Variants in AUH observed in about 807,000 individuals in gnomAD.
The protein encoded by AUH is AU RNA binding methylglutaconyl-CoA hydratase.
Under a neutral mutation model 42.3 loss-of-function variants are expected in AUH, and 29 were observed. The ratio of observed to expected loss-of-function variants is 0.69; its 90% CI spans 0.51 to 0.93. The LOEUF is 0.93. Ranked by LOEUF, AUH falls within the 40% of genes least tolerant of loss-of-function variation. The probability of loss-of-function intolerance (pLI) is 0.00; values close to 1 mark genes in which losing one functional copy is unlikely to be tolerated. For synonymous variants in AUH, 174 were observed against 166.4 expected (o/e 1.05, Z -0.35); for missense variants, 452 against 438.1 (o/e 1.03, Z -0.28).
chr9:91,332,723 A>G (rs1278518275), intron 3 of AUH, among the ~76,000 whole-genome samples: 2 of 152,200 alleles, frequency 1.3e-5, no homozygotes, highest in African/African-American at 4.8e-5. Flanking sequence ...AGGTGGCTGA[A>G]TATACATATT....
intron 6 of AUH, among the ~76,000 whole-genome samples, chr9:91,227,868 T>C (rs1827610963): frequency 6.6e-6 from 1 of 151,750 alleles, no homozygotes; most frequent in African/African-American, 2.4e-5. Flanking sequence ...TTGATTTGCG[T>C]ATATTGAACC....
intron 6 of AUH, among the ~76,000 whole-genome samples, chr9:91,274,328 T>C (rs1024366817): frequency 1.8e-4 from 28 of 152,188 alleles, no homozygotes; most frequent in African/African-American, 6.5e-4. Context: ...AATGAAACAG[T>C]TCCTTCCCTA....
At chr9:91,226,489 C>T (rs1426492983) in intron 6 of AUH, among the ~76,000 whole-genome samples, 1 of 151,958 alleles carries the variant, frequency 6.6e-6, no homozygotes, top group African/African-American at 2.4e-5. Context: ...CATTTTCTCC[C>T]ATTCTGTAGG....
rs141865752 is a variant in AUH at position 91,347,542 on chromosome 9, C to G, written c.418+8341G>C. Among the ~76,000 whole-genome samples, 21 of 152,274 alleles carry G rather than the reference C, an allele frequency of 1.4e-4. No individual in the cohort carries two copies. The East Asian group carries it at 2.9e-3, about 21-fold the overall frequency. ...TGCTTTTTCTGACAAGCTGCCCCCCCATCCTGAAGCTATCTAGGGTCATCT... is the reference window on the plus strand; with the variant it reads ...TGCTTTTTCTGACAAGCTGCCCCCCGATCCTGAAGCTATCTAGGGTCATCT... On this transcript the variant is annotated intron_variant, in intron 3 of 9. Coordinates refer to ENST00000375731, the MANE Select transcript of AUH (RefSeq NM_001698.3).
chr9:91,330,602 G>C (rs1404595642), intron 3 of AUH, among the ~76,000 whole-genome samples: 1 of 152,166 alleles, frequency 6.6e-6, no homozygotes, highest in African/African-American at 2.4e-5. Flanking sequence ...AACAAAAAAT[G>C]CATGATGTGT....
At chr9:91,339,271 T>C (rs555835634) in intron 3 of AUH, among the ~76,000 whole-genome samples, 2 of 152,342 alleles carry the variant, frequency 1.3e-5, no homozygotes, top group African/African-American at 4.8e-5. Context: ...CGTATCACTT[T>C]TGCACCATCG....
At chr9:91,262,230 C>A in intron 6 of AUH, among the ~76,000 whole-genome samples, 1 of 152,126 alleles carries the variant, frequency 6.6e-6, no homozygotes, top group East Asian at 1.9e-4. Context: ...CATTACTCGC[C>A]AACCTTAAAT....
chr9:91,305,802 G>A (rs1435420722), intron 4 of AUH, among the ~76,000 whole-genome samples: 1 of 152,116 alleles, frequency 6.6e-6, no homozygotes, highest in Non-Finnish European at 1.5e-5. Context: ...TTACTTGCCT[G>A]GTACAGTCTG....
chr9:91,360,819 A>G (rs983018490), intron 1 of AUH, among the ~76,000 whole-genome samples: 1 of 152,216 alleles, frequency 6.6e-6, no homozygotes, highest in Non-Finnish European at 1.5e-5. Flanking sequence ...CAACAAATGC[A>G]TGTCAAAATT....
At chr9:91,227,321 A>T (rs1331794677) in intron 6 of AUH, among the ~76,000 whole-genome samples, 20 of 126,212 alleles carry the variant, frequency 1.6e-4, no homozygotes, top group Non-Finnish European at 2.6e-4. Context: ...GCAATTGTGA[A>T]TGGGAGTTCA....
chr9:91,356,095 A>G lies in AUH; in HGVS notation c.323T>C (p.Ile108Thr), dbSNP rs531669666. ...YGKNSLSKNL[I>T]KMLSKAVDAL... The stretch of plus-strand genomic sequence containing the variant: ...TTTAATCTTTACACTCACCATTTTT[A>G]TAAGATTTTTACTGAGTGAATTTTT... Residue 108 changes from isoleucine to threonine, a missense_variant, in exon 2 of 10, where the codon ATA becomes ACA. Physicochemically the swap from Ile to Thr is moderately conservative, Grantham distance 89. Transcript: ENST00000375731. 13 of 1,613,006 alleles carry G rather than the reference A, an allele frequency of 8.1e-6. No homozygotes were observed. Among genetic ancestry groups the G allele is most frequent in the South Asian group, 5.5e-5 (5 of 91,048 alleles).
intron 6 of AUH, among the ~76,000 whole-genome samples, chr9:91,229,383 CT>C (rs1827727500): frequency 6.9e-6 from 1 of 144,736 alleles, no homozygotes; most frequent in Admixed American, 6.9e-5. Flanking sequence ...CAACCCCTGC[CT>C]TTTTTTGTTT....
chr9:91,225,920 T>C (rs1587634586), intron 6 of AUH, among the ~76,000 whole-genome samples: 1 of 151,252 alleles, frequency 6.6e-6, no homozygotes, highest in Non-Finnish European at 1.5e-5. Flanking sequence ...ATGGTGTATA[T>C]GTGCCACATT....
chr9:91,246,004 A>G (rs1246806279), intron 6 of AUH, among the ~76,000 whole-genome samples: 2 of 152,156 alleles, frequency 1.3e-5, no homozygotes, highest in African/African-American at 2.4e-5. Context: ...GAGCTGGGAA[A>G]CCATATTAAG....
intron 6 of AUH, among the ~76,000 whole-genome samples, chr9:91,228,859 C>T (rs1363023542): frequency 1.3e-5 from 2 of 152,144 alleles, no homozygotes; most frequent in Admixed American, 6.5e-5. Flanking sequence ...TGTAGTTGAG[C>T]AGTTTTGAGT....
At chr9:91,318,659 T>C (rs1381249733) in intron 4 of AUH, among the ~76,000 whole-genome samples, 1 of 152,214 alleles carries the variant, frequency 6.6e-6, no homozygotes, top group Non-Finnish European at 1.5e-5. Context: ...CAAGACTGAC[T>C]GCGACTGATT....
chr9:91,330,813 T>C (rs187224444), intron 3 of AUH, among the ~76,000 whole-genome samples: 1 of 152,280 alleles, frequency 6.6e-6, no homozygotes, highest in East Asian at 1.9e-4. Flanking sequence ...GCCTGCAAAA[T>C]TCCAACTACA....
rs772918339 is a variant in AUH at position 91,214,365 on chromosome 9, G to A, written c.1003C>T (p.Arg335Cys). 1.7e-5 allele frequency: 28 copies of A among 1,609,650 alleles called. No homozygotes were observed. The highest frequency in any genetic ancestry group is 2.2e-5 in the East Asian group (1 of 44,772). Reference sequence around the variant, plus strand: ...TGTTCCTTTTATTCTCCTTTATAGCGAGGGGGCCTTTTCTCTTTAAAAGCA... The same window carrying A: ...TGTTCCTTTTATTCTCCTTTATAGCAAGGGGGCCTTTTCTCTTTAAAAGCA... ...LLAFKEKRPP[R>C]YKGE The change falls in exon 10 of 10, where the codon CGC becomes TGC. Residue 335 changes from arginine to cysteine, a missense_variant. Arg to Cys is a radical substitution (Grantham distance 180, BLOSUM62 -3). Transcript: ENST00000375731.
chr9:91,290,567 A>T (rs1826782811), intron 6 of AUH, among the ~76,000 whole-genome samples: 1 of 152,150 alleles, frequency 6.6e-6, no homozygotes, highest in Non-Finnish European at 1.5e-5. Context: ...ATTCAATCAA[A>T]CCTACAAAAA....
Sources: allele counts gnomAD v4.1 joint callset (sites outside exome capture counted in the v4.1 genomes callset), GRCh38; gene constraint gnomAD v4.1.1; transcripts MANE v1.5; gene names NCBI Gene and HGNC (gene_info 2026-07-23, HGNC 2026-07-21).